KIAA0513: variants seen among roughly 807,000 people sequenced by gnomAD.
The protein encoded by KIAA0513 is KIAA0513.
KIAA0513 carries 39 observed loss-of-function variants against 56.5 expected under a neutral mutation model. That is an observed-to-expected ratio of 0.69 (90% confidence interval 0.53 to 0.90). The LOEUF (loss-of-function observed/expected upper bound fraction) is 0.90. Ranked by LOEUF, KIAA0513 falls within the 40% of genes least tolerant of loss-of-function variation. The probability of loss-of-function intolerance (pLI) is 0.00; values close to 1 mark genes in which losing one functional copy is unlikely to be tolerated. For synonymous variants in KIAA0513, 268 were observed against 215.6 expected (o/e 1.24, Z -2.13); for missense variants, 591 against 535.2 (o/e 1.10, Z -1.03).
chr16:85,062,211 A>AACACACAC (rs5818523), intron 1 of KIAA0513, among the ~76,000 whole-genome samples: 2 of 149,282 alleles, frequency 1.3e-5, no homozygotes, highest in African/African-American at 4.9e-5. Flanking sequence ...TACGTACGTA[A>AACACACAC]ACACACACAC....
In KIAA0513 at chr16:85,046,244, T is replaced by C. The variant is rs893593173; in HGVS notation, c.-173+18386T>C. 2.6e-5 allele frequency among the ~76,000 whole-genome samples: 4 copies of C among 152,226 alleles called. 1 individual carries two copies. In the South Asian group the frequency reaches 8.3e-4, roughly 31 times the overall value. On this transcript the variant is annotated intron_variant, in intron 1 of 12. Coordinates refer to ENST00000683363, the MANE Select transcript of KIAA0513 (RefSeq NM_001388359.1). The stretch of plus-strand genomic sequence containing the variant: ...GCAGTGCGGCTGCATCTTTCACACA[T>C]GGCTATTCTCTTAGCAGTTTCTTAC...
At chr16:85,028,305 A>G (rs556271838) in intron 1 of KIAA0513, among the ~76,000 whole-genome samples, 1 of 151,930 alleles carries the variant, frequency 6.6e-6, no homozygotes, top group South Asian at 2.1e-4. Flanking sequence ...GGGTGCAAGG[A>G]CCCCGGGGGA....
intron 1 of KIAA0513, among the ~76,000 whole-genome samples, chr16:85,042,173 T>G (rs1229580847): frequency 6.6e-6 from 1 of 152,254 alleles, no homozygotes; most frequent in Non-Finnish European, 1.5e-5. Context: ...GAGTAACTTT[T>G]GCGAAAGCCC....
chr16:85,089,777 C>T lies in KIAA0513; in HGVS notation c.*1452C>T, dbSNP rs2073849788. 1 of 152,138 alleles carries T rather than the reference C, an allele frequency of 6.6e-6. No individual in the cohort carries two copies. The highest frequency in any genetic ancestry group is 6.5e-5 in the Admixed American group (1 of 15,280). The allele number at this position is 152,138 out of a possible 1,614,324, so 9.4% of individuals were successfully genotyped here. A position where few individuals can be genotyped will look rare whatever the true frequency, so the allele number is the denominator to read the frequency against. ...ACCCGGCCACTGCTTGGAAGGTTTC[C>T]CTCCGGGGAATGCCTCCCTGGAATG... On this transcript the variant is annotated 3_prime_UTR_variant, in exon 13 of 13. Transcript: ENST00000683363. This position sits in a 1 kb window ranked among gnomAD's most constrained non-coding sequence, Gnocchi z 4.2.
At chr16:85,068,863 A>C (rs1298019907) in intron 2 of KIAA0513, among the ~76,000 whole-genome samples, 1 of 152,056 alleles carries the variant, frequency 6.6e-6, no homozygotes, top group Non-Finnish European at 1.5e-5. Flanking sequence ...CACAAGGGGC[A>C]CTTGTTCTGC....
intron 1 of KIAA0513, among the ~76,000 whole-genome samples, chr16:85,041,371 A>C (rs2073101787): frequency 6.6e-6 from 1 of 151,802 alleles, no homozygotes; most frequent in South Asian, 2.1e-4. Flanking sequence ...GCCCTTGAAA[A>C]CCGCCCCAGG....
chr16:85,066,952 A>C lies in KIAA0513; in HGVS notation c.-120A>C. 1 of 761,548 alleles carries C rather than the reference A, an allele frequency of 1.3e-6. No homozygotes were observed. The highest frequency in any genetic ancestry group is 2.7e-5 in the East Asian group (1 of 36,566). 47.2% of individuals were successfully genotyped at this position (761,548 alleles called of 1,614,324 possible). A position where few individuals can be genotyped will look rare whatever the true frequency, so the allele number is the denominator to read the frequency against. The stretch of plus-strand genomic sequence containing the variant: ...GAAGGACTCATTCTTGGTAGCCGGC[A>C]GTTACTGGCAACTTGTGAGCTTGGT... On this transcript the variant is annotated 5_prime_UTR_variant, in exon 2 of 13. Transcript: ENST00000683363.
intron 10 of KIAA0513, among the ~76,000 whole-genome samples, chr16:85,086,127 C>T (rs926398939): frequency 2.0e-5 from 3 of 152,202 alleles, no homozygotes; most frequent in Non-Finnish European, 2.9e-5. Flanking sequence ...AGCTGCCATC[C>T]GCAGCTGGCC....
intron 1 of KIAA0513, among the ~76,000 whole-genome samples, chr16:85,033,873 G>T (rs189451716): frequency 1.2e-3 from 185 of 152,162 alleles, no homozygotes; most frequent in African/African-American, 4.2e-3. Context: ...GTCTCTCCCT[G>T]CCCCACCCCC....
At chr16:85,070,820 G>C (rs999077726) in intron 2 of KIAA0513, among the ~76,000 whole-genome samples, 15 of 152,200 alleles carry the variant, frequency 9.9e-5, no homozygotes, top group African/African-American at 3.6e-4. Context: ...TAACGAAAGG[G>C]GAAAATGCCC....
intron 1 of KIAA0513, among the ~76,000 whole-genome samples, chr16:85,049,128 G>C (rs2073211869): frequency 1.3e-5 from 2 of 152,258 alleles, no homozygotes; most frequent in South Asian, 4.1e-4. Flanking sequence ...GCTACAAGCA[G>C]CTCCAGATTG....
intron 1 of KIAA0513, among the ~76,000 whole-genome samples, chr16:85,066,423 C>T (rs1035942910): frequency 6.6e-5 from 10 of 152,172 alleles, no homozygotes; most frequent in African/African-American, 2.4e-4. Flanking sequence ...AGACCTGTGA[C>T]AGTCCGGGAA....
intron 1 of KIAA0513, among the ~76,000 whole-genome samples, chr16:85,040,984 G>A (rs912778320): frequency 2.0e-5 from 3 of 152,184 alleles, no homozygotes; most frequent in African/African-American, 7.2e-5. Flanking sequence ...CCTCAAAAAT[G>A]CATTTGCATA....
At chr16:85,054,386 T>C (rs1040011709) in intron 1 of KIAA0513, among the ~76,000 whole-genome samples, 3 of 151,946 alleles carry the variant, frequency 2.0e-5, no homozygotes, top group Admixed American at 6.6e-5. Context: ...CTCAGTGCCA[T>C]TGAAATCTGT....
intron 11 of KIAA0513, 57 bp downstream of exon 11, chr16:85,086,781 C>G (rs760801012): frequency 4.2e-6 from 6 of 1,436,024 alleles, no homozygotes; most frequent in Non-Finnish European, 5.8e-6. Context: ...ACCCTGTGAG[C>G]TGTCACACCT....
intron 8 of KIAA0513, 26 bp downstream of exon 8, chr16:85,079,029 T>A: frequency 6.2e-7 from 1 of 1,614,082 alleles, no homozygotes. Flanking sequence ...CGGCTTCCCG[T>A]CACCCTCTTA....
At chr16:85,062,722 C>T (rs1364453464) in intron 1 of KIAA0513, among the ~76,000 whole-genome samples, 1 of 152,182 alleles carries the variant, frequency 6.6e-6, no homozygotes, top group Non-Finnish European at 1.5e-5. Flanking sequence ...CCTTAGAAAC[C>T]TGTAGAAGCT....
chr16:85,077,573 C>G lies in KIAA0513; in HGVS notation c.723C>G (p.Val241=). 6 of 1,614,100 alleles carry G rather than the reference C, an allele frequency of 3.7e-6. No individual in the cohort carries two copies. Among genetic ancestry groups the G allele is most frequent in the Non-Finnish European group, 5.1e-6 (6 of 1,180,004 alleles). The change falls in exon 6 of 13, where the codon GTC becomes GTG. Residue 241 remains valine, a synonymous_variant. Transcript: ENST00000683363. ...ACACCTCGGCCAGGACTGAGAATGT[C>G]AAGGGCTTCTTCGGGGGGCTGGAGA... ...LKNTSARTEN[V]KGFFGGLETK...
chr16:85,033,792 T>A (rs1252379139), intron 1 of KIAA0513, among the ~76,000 whole-genome samples: 1 of 152,176 alleles, frequency 6.6e-6, no homozygotes, highest in African/African-American at 2.4e-5. Context: ...TGCCCGTCTT[T>A]ATTTATTTTT....
Sources: gnomAD v4.1 joint callset for allele counts (sites outside exome capture counted in the v4.1 genomes callset) on GRCh38, gnomAD v4.1.1 for gene constraint, Gnocchi (gnomAD v3.1) non-coding constraint, MANE v1.5 for transcripts, NCBI Gene and HGNC (gene_info 2026-07-23, HGNC 2026-07-21) for gene names.